Variants in BCAR1 observed in about 807,000 individuals in gnomAD.
BCAR1 encodes the protein BCAR1 scaffold protein, Cas family member.
In BCAR1, 30 loss-of-function variants were observed where a neutral mutation model predicts 67.6. That is an observed-to-expected ratio of 0.44 (90% CI 0.33 to 0.60). The LOEUF (loss-of-function observed/expected upper bound fraction) is 0.60, where lower values mean the gene tolerates loss of function less well. Ranked by LOEUF, BCAR1 falls within the 20% of genes least tolerant of loss-of-function variation. The pLI, the probability that BCAR1 is intolerant of heterozygous loss-of-function variation, is 0.02. For missense variants in BCAR1, 1,313 were observed against 1,222.3 expected (o/e 1.07, Z -1.11); for synonymous variants, 626 against 556.7 (o/e 1.12, Z -1.75).
upstream of BCAR1, among the ~76,000 whole-genome samples, chr16:75,253,323 C>A (rs962930222): frequency 6.6e-6 from 1 of 152,214 alleles, no homozygotes; most frequent in Non-Finnish European, 1.5e-5. Context: ...TGGGCCTCCA[C>A]TTCTGTGGGG....
Position 75,235,455 on chromosome 16 carries a change from C to A in BCAR1, c.1444G>T (p.Gly482Cys), listed in dbSNP as rs757015622. ...ATVAHLLDLA[G>C]SAGATGSWRS... ...CAGCTCCCAGTCGCACCGGCGCTGC[C>A]TGCCAGGTCCAGAAGGTGGGCAACG... Residue 482 changes from glycine (G) to cysteine (C), a missense_variant, in exon 5 of 7, where the codon GGC becomes TGC. By Grantham distance (159) the Gly-to-Cys change is radical (BLOSUM62 -3). Transcript: ENST00000162330. 12 of 1,607,508 alleles carry A rather than the reference C, an allele frequency of 7.5e-6. No individual in the cohort carries two copies. Among genetic ancestry groups the A allele is most frequent in the Middle Eastern group, 1.7e-4 (1 of 6,054 alleles).
At chr16:75,251,401 C>A (rs2077675754) in intron 1 of BCAR1, 70 bp downstream of exon 1, 2 of 1,473,882 alleles carry the variant, frequency 1.4e-6, no homozygotes, top group African/African-American at 2.9e-5. Context: ...AAATGCCGCT[C>A]GCTTAACCCC....
At chr16:75,250,294 C>T (rs1239793266) in intron 1 of BCAR1, among the ~76,000 whole-genome samples, 1 of 152,174 alleles carries the variant, frequency 6.6e-6, no homozygotes, top group Non-Finnish European at 1.5e-5. Context: ...CCCGCCACCC[C>T]CGTACCTGGG....
At position 75,229,438 on chromosome 16, in the gene BCAR1, G is replaced by T; in HGVS notation, c.*73C>A. 1.4e-6 allele frequency: 2 copies of T among 1,447,276 alleles called. No individual in the cohort carries two copies. The highest frequency in any genetic ancestry group is 1.4e-5 in the South Asian group (1 of 69,486). 89.7% of individuals were successfully genotyped at this position (1,447,276 alleles called of 1,614,324 possible). A position where few individuals can be genotyped will look rare whatever the true frequency, so the allele number is the denominator to read the frequency against. On this transcript the variant is annotated 3_prime_UTR_variant, in exon 7 of 7. Coordinates refer to ENST00000162330, the MANE Select transcript of BCAR1 (RefSeq NM_014567.5). ...CCTGTCCCTAAGCCTGTGGCACAGC[G>T]ACTCTTGACATGGGAGCCAGGGAGC...
At chr16:75,234,144 C>G (rs551703871) in intron 5 of BCAR1, among the ~76,000 whole-genome samples, 1 of 148,156 alleles carries the variant, frequency 6.7e-6, no homozygotes, top group African/African-American at 2.5e-5. Context: ...CAGACTGGCA[C>G]GTGCAGGGGC....
chr16:75,248,170 TCCACTTTATCTCCACCGAGGGGTGACG>T, intron 1 of BCAR1: 3 of 1,581,578 alleles, frequency 1.9e-6, no homozygotes, highest in Non-Finnish European at 2.6e-6. Context: ...GCTGGGTGGC[TCCACTTTATCTCCACCGAGGGGTGACG>T]CCTGGGTTCG....
intron 1 of BCAR1, among the ~76,000 whole-genome samples, chr16:75,251,153 A>T (rs1175034125): frequency 6.6e-6 from 1 of 152,040 alleles, no homozygotes; most frequent in Non-Finnish European, 1.5e-5. Context: ...GCAGAGGCCC[A>T]AGGTGACACA....
At position 75,264,636 on chromosome 16, in the gene BCAR1, G is replaced by A. The variant is rs1039617448; in HGVS notation, c.66+3279C>T. The A allele has an allele frequency of 4.7e-6, 6 of 1,263,432 alleles. No individual in the cohort carries two copies. The African/African-American group carries it at 9.1e-5, about 19-fold the overall frequency. The allele number at this position is 1,263,432 out of a possible 1,614,324, so 78.3% of individuals were successfully genotyped here. A position where few individuals can be genotyped will look rare whatever the true frequency, so the allele number is the denominator to read the frequency against. ...CATTACCACTTCTGGAGGCGAGCAG[G>A]AGCGGGCTCTTTAATTCCACAATAA... On this transcript the variant is annotated intron_variant, in intron 1 of 6. Coordinates refer to the BCAR1 transcript ENST00000393422.
chr16:75,248,325 C>A (rs944054551), intron 1 of BCAR1: 14 of 1,363,878 alleles, frequency 1.0e-5, no homozygotes, highest in Non-Finnish European at 1.2e-5. Flanking sequence ...TTGGGAAACA[C>A]TGACTTCTTT....
At chr16:75,242,319 CCAAA>C (rs2077370487) in intron 2 of BCAR1, 147 bp downstream of exon 2, 1 of 1,248,456 alleles carries the variant, frequency 8.0e-7, no homozygotes, top group Non-Finnish European at 1.0e-6. Flanking sequence ...TGAACACCCC[CCAAA>C]CACTCACTTC....
At chr16:75,264,157 G>C in intron 1 of BCAR1, 1 of 1,319,370 alleles carries the variant, frequency 7.6e-7, no homozygotes. Flanking sequence ...TTACAGATGA[G>C]GCACAGTGCC....
Position 75,242,722 on chromosome 16 carries a change from G to A in BCAR1, c.381C>T (p.Leu127=), listed in dbSNP as rs376410572. 11 of 1,572,154 alleles carry A rather than the reference G, an allele frequency of 7.0e-6. No homozygotes were observed. The highest frequency in any genetic ancestry group is 1.2e-5 in the South Asian group (1 of 83,268). ...VPTPSKAQQG[L]YQVPGPSPQF... is the part of the protein sequence containing the mutation. ...GAGGGCTGGGACCCGGGACTTGGTAGAGGCCTTGCTGAGCCTTGCTGGGAG... is the reference window on the plus strand; with the variant it reads ...GAGGGCTGGGACCCGGGACTTGGTAAAGGCCTTGCTGAGCCTTGCTGGGAG... Residue 127 remains leucine, a synonymous_variant, in exon 2 of 7, where the codon CTC becomes CTT. Transcript: ENST00000162330.
rs1176360093 is a variant in BCAR1 at position 75,263,901 on chromosome 16, C to T, written c.66+4014G>A. ...GACTGTTCCAAAAATGAATTCTCCTCTTGGCCCCACCACCTCACACACTGC... is the reference window on the plus strand; with the variant it reads ...GACTGTTCCAAAAATGAATTCTCCTTTTGGCCCCACCACCTCACACACTGC... On this transcript the variant is annotated intron_variant, in intron 1 of 6. Coordinates refer to the BCAR1 transcript ENST00000393422. 8 of 1,050,684 alleles carry T rather than the reference C, an allele frequency of 7.6e-6. No homozygotes were observed. In the African/African-American group the frequency reaches 8.3e-5, roughly 11 times the overall value. The allele number at this position is 1,050,684 out of a possible 1,614,324, so 65.1% of individuals were successfully genotyped here.
intron 1 of BCAR1, chr16:75,264,756 T>A: frequency 2.6e-6 from 2 of 777,484 alleles, no homozygotes; most frequent in Non-Finnish European, 3.4e-6. Context: ...CCCCACTGCC[T>A]GCTTCACGGA....
intron 1 of BCAR1, among the ~76,000 whole-genome samples, chr16:75,261,549 C>G (rs968052971): frequency 6.6e-6 from 1 of 152,262 alleles, no homozygotes; most frequent in Non-Finnish European, 1.5e-5. Flanking sequence ...CCTGCAATGC[C>G]GCCTCATTCC....
chr16:75,229,330 G>A lies in BCAR1; in HGVS notation c.*181C>T, dbSNP rs1038390362. ...CCCCTGGGCTTCGGCTCCTGAGGAG[G>A]CATGGCCCCACACCCTGCCCGGCCA... is the stretch of plus-strand genomic sequence containing the variant. On this transcript the variant is annotated 3_prime_UTR_variant, in exon 7 of 7. Coordinates refer to ENST00000162330, the MANE Select transcript of BCAR1 (RefSeq NM_014567.5). 8.7e-6 allele frequency: 9 copies of A among 1,033,598 alleles called. No individual in the cohort carries two copies. Among genetic ancestry groups the A allele is most frequent in the Admixed American group, 3.2e-5 (1 of 31,386 alleles). 64.0% of individuals were successfully genotyped at this position (1,033,598 alleles called of 1,614,324 possible).
At chr16:75,264,012 A>G in intron 1 of BCAR1, 1 of 1,205,674 alleles carries the variant, frequency 8.3e-7, no homozygotes, top group Non-Finnish European at 1.0e-6. Context: ...CACCCCCAGC[A>G]GAATTCTCCT....
intron 2 of BCAR1, chr16:75,238,076 C>A: frequency 7.8e-7 from 1 of 1,289,016 alleles, no homozygotes. Flanking sequence ...CCCTCCCCTC[C>A]CCAGGTGCTC....
intron 1 of BCAR1, chr16:75,265,810 C>A: frequency 8.4e-7 from 1 of 1,194,610 alleles, no homozygotes; most frequent in Non-Finnish European, 1.0e-6. Context: ...GGGTCCCGGG[C>A]GGCGCGGTAC....
Sources: gnomAD v4.1 joint callset for allele counts (sites outside exome capture counted in the v4.1 genomes callset) on GRCh38, gnomAD v4.1.1 for gene constraint, MANE v1.5 for transcripts, NCBI Gene and HGNC (gene_info 2026-07-23, HGNC 2026-07-21) for gene names.